TFPI: variants seen among roughly 807,000 people sequenced by gnomAD.
TFPI encodes the protein anti-convertin.
TFPI carries 15 observed loss-of-function variants against 34.6 expected under a neutral mutation model. The observed-to-expected ratio is 0.43, with a 90% CI of 0.29 to 0.67. The LOEUF is 0.67. Ranked by LOEUF, TFPI falls within the 30% of genes least tolerant of loss-of-function variation. The pLI is 0.15. For synonymous variants in TFPI, 105 were observed against 120.1 expected, an observed-to-expected ratio of 0.87 and a Z score of 0.82; for missense variants, 301 against 364.0, an observed-to-expected ratio of 0.83 and a Z score of 1.41.
intron 1 of TFPI, among the ~76,000 whole-genome samples, chr2:187,522,091 TGAA>T (rs1272794823): frequency 3.9e-5 from 6 of 152,168 alleles, no homozygotes; most frequent in Non-Finnish European, 7.3e-5. Flanking sequence ...GCTATTGAGT[TGAA>T]GGAGTTCCTT....
chr2:187,515,476 G>A (rs956584768), intron 1 of TFPI: 1 of 152,242 alleles, frequency 6.6e-6, no homozygotes, highest in Non-Finnish European at 1.5e-5. Flanking sequence ...TTGAACATCA[G>A]TAGACTGGTA....
At chr2:187,508,120 T>G (rs1385681194) in intron 1 of TFPI, among the ~76,000 whole-genome samples, 1 of 152,244 alleles carries the variant, frequency 6.6e-6, no homozygotes, top group African/African-American at 2.4e-5. Flanking sequence ...CAGATGATTT[T>G]AGATGTGTGC....
At position 187,524,650 on chromosome 2, in the gene TFPI, A is replaced by C. The variant is rs1430699638; in HGVS notation, c.-2-20880T>G. Reference sequence around the variant, plus strand: ...ATGGTGTTTTATTACTACCAATTCCACCAAAAAATAAAGAGATCAGAAACA... The same window carrying C: ...ATGGTGTTTTATTACTACCAATTCCCCCAAAAAATAAAGAGATCAGAAACA... On this transcript the variant is annotated intron_variant, in intron 1 of 7. Transcript: ENST00000233156. 2.0e-5 allele frequency among the ~76,000 whole-genome samples: 3 copies of C among 152,080 alleles called. No individual in the cohort carries two copies. The East Asian group carries it at 5.8e-4, about 29-fold the overall frequency.
At chr2:187,508,669 T>C (rs1213901477) in intron 1 of TFPI, among the ~76,000 whole-genome samples, 1 of 152,232 alleles carries the variant, frequency 6.6e-6, no homozygotes, top group Non-Finnish European at 1.5e-5. Flanking sequence ...TTTGCTGAAG[T>C]TGCTTATCAG....
intron 6 of TFPI, among the ~76,000 whole-genome samples, chr2:187,483,391 C>T (rs1693024034): frequency 6.6e-6 from 1 of 151,890 alleles, no homozygotes; most frequent in African/African-American, 2.4e-5. Context: ...TAAACAAAAT[C>T]TTCAATATCT....
Position 187,480,536 on chromosome 2 carries a change from G to T in TFPI, c.628+3588C>A, listed in dbSNP as rs1397956824. 2.0e-5 allele frequency among the ~76,000 whole-genome samples: 3 copies of T among 152,106 alleles called. No homozygotes were observed. The East Asian group carries it at 5.8e-4, about 29-fold the overall frequency. Reference sequence around the variant, plus strand: ...TTGGGAATTTAACGCATGTCTTCAGGCTCAAAGGTTTTTTATCTGCTATAT... The same window carrying T: ...TTGGGAATTTAACGCATGTCTTCAGTCTCAAAGGTTTTTTATCTGCTATAT... On this transcript the variant is annotated intron_variant, in intron 6 of 7. Coordinates refer to ENST00000233156, the MANE Select transcript of TFPI (RefSeq NM_006287.6).
intron 1 of TFPI, 130 bp from the exon 2 acceptor site, chr2:187,503,900 T>G (rs1187974667): frequency 2.2e-5 from 20 of 905,972 alleles, no homozygotes; most frequent in Non-Finnish European, 2.6e-5. Flanking sequence ...CACATACATT[T>G]CTCTGTGCAT....
chr2:187,478,546 A>G, intron 6 of TFPI: 1 of 1,287,610 alleles, frequency 7.8e-7, no homozygotes, highest in African/African-American at 1.5e-5. Context: ...CTAGTTAGAC[A>G]TTTACAAGTG....
intron 1 of TFPI, among the ~76,000 whole-genome samples, chr2:187,537,506 T>A (rs1483365167): frequency 2.6e-5 from 4 of 152,186 alleles, no homozygotes; most frequent in African/African-American, 7.2e-5. Context: ...CCCTATTTAA[T>A]AAATCGTGTT....
intron 3 of TFPI, among the ~76,000 whole-genome samples, chr2:187,489,753 C>T (rs1684986613): frequency 6.6e-6 from 1 of 151,274 alleles, no homozygotes; most frequent in South Asian, 2.1e-4. Flanking sequence ...ATATACATGC[C>T]AATTAACTCA....
intron 1 of TFPI, among the ~76,000 whole-genome samples, chr2:187,523,055 G>T (rs1337715946): frequency 6.6e-6 from 1 of 151,912 alleles, no homozygotes; most frequent in East Asian, 1.9e-4. Flanking sequence ...CAAAAAATGT[G>T]CATGTTTCAC....
chr2:187,467,640 G>C (rs181026479), intron 7 of TFPI, 113 bp downstream of exon 7: 1 of 977,906 alleles, frequency 1.0e-6, no homozygotes, highest in Non-Finnish European at 1.4e-6. Flanking sequence ...TTATTAGCTA[G>C]ATTATACTTT....
chr2:187,539,415 A>T (rs1372687152), intron 1 of TFPI, among the ~76,000 whole-genome samples: 1 of 152,222 alleles, frequency 6.6e-6, no homozygotes, highest in Non-Finnish European at 1.5e-5. Flanking sequence ...AAAGGCATAA[A>T]AAAAGATCGA....
In TFPI at chr2:187,511,933, G is replaced by T. The variant is rs182346837; in HGVS notation, c.-2-8163C>A. ...AGTCAAGGAAAGAGAGAGAGAGAGAGATATACAAGTAGTTAAGAAAAAAAA... is the reference window on the plus strand; with the variant it reads ...AGTCAAGGAAAGAGAGAGAGAGAGATATATACAAGTAGTTAAGAAAAAAAA... On this transcript the variant is annotated intron_variant, in intron 1 of 7. Coordinates refer to ENST00000233156, the MANE Select transcript of TFPI (RefSeq NM_006287.6). Among the ~76,000 whole-genome samples, 500 of 151,402 alleles carry T rather than the reference G, an allele frequency of 3.3e-3. 2 individuals carry two copies. The highest frequency in any genetic ancestry group is 7.0e-3 in the East Asian group (36 of 5,166).
At chr2:187,530,458 G>A (rs898474897) in intron 1 of TFPI, among the ~76,000 whole-genome samples, 1 of 152,164 alleles carries the variant, frequency 6.6e-6, no homozygotes, top group African/African-American at 2.4e-5. Flanking sequence ...CATTCCCAAT[G>A]GCAGCAGAGA....
intron 6 of TFPI, among the ~76,000 whole-genome samples, chr2:187,481,351 T>C (rs1017604240): frequency 5.9e-5 from 9 of 152,148 alleles, no homozygotes; most frequent in Non-Finnish European, 1.3e-4. Context: ...ATTAATATAA[T>C]TGTAAGCAGT....
intron 6 of TFPI, among the ~76,000 whole-genome samples, chr2:187,478,980 G>T (rs8176531): frequency 6.6e-6 from 1 of 151,924 alleles, no homozygotes; most frequent in Non-Finnish European, 1.5e-5. Flanking sequence ...AATAGTACAA[G>T]TATTGAAGGA....
intron 6 of TFPI, among the ~76,000 whole-genome samples, chr2:187,474,641 C>T (rs1692255056): frequency 1.3e-5 from 2 of 152,042 alleles, no homozygotes; most frequent in Admixed American, 1.3e-4. Flanking sequence ...GAAGCAGTTA[C>T]CATGGGAGTA....
chr2:187,534,774 C>A (rs1240048779), intron 1 of TFPI, among the ~76,000 whole-genome samples: 3 of 151,606 alleles, frequency 2.0e-5, no homozygotes, highest in African/African-American at 7.3e-5. Flanking sequence ...CATAGACTGG[C>A]AAATTAGATA....
Sources: gnomAD v4.1 joint callset for allele counts (sites outside exome capture counted in the v4.1 genomes callset) on GRCh38, gnomAD v4.1.1 for gene constraint, MANE v1.5 for transcripts, NCBI Gene and HGNC (gene_info 2026-07-23, HGNC 2026-07-21) for gene names.